The following ZNF423 variants were observed in gnomAD, a reference collection of about 807,000 sequenced individuals.
The protein encoded by ZNF423 is Ebf-associated zinc finger protein.
In ZNF423, 12 loss-of-function variants were observed where a neutral mutation model predicts 95.8. That is an observed-to-expected ratio of 0.13 (90% CI 0.08 to 0.20). The LOEUF (loss-of-function observed/expected upper bound fraction) is 0.20. ZNF423 is among the 10% of genes least tolerant of loss of function. The probability of loss-of-function intolerance (pLI) is 1.00; values close to 1 mark genes in which losing one functional copy is unlikely to be tolerated. For synonymous variants in ZNF423, 749 were observed against 711.9 expected, an observed-to-expected ratio of 1.05 and a Z score of -0.83; for missense variants, 1,316 against 1,737.1, an observed-to-expected ratio of 0.76 and a Z score of 4.31.
chr16:49,581,088 C>G (rs1254048796), intron 5 of ZNF423, among the ~76,000 whole-genome samples: 2 of 152,198 alleles, frequency 1.3e-5, no homozygotes, highest in Non-Finnish European at 2.9e-5. Context: ...AAAACAAACA[C>G]ATACTCACCA....
intron 3 of ZNF423, among the ~76,000 whole-genome samples, chr16:49,725,642 T>C (rs2032990613): frequency 6.6e-6 from 1 of 151,996 alleles, no homozygotes; most frequent in Non-Finnish European, 1.5e-5. Flanking sequence ...TGTGTGGGCG[T>C]GGGGGCTGCA....
chr16:49,791,332 C>T (rs557318067), intron 1 of ZNF423, among the ~76,000 whole-genome samples: 17 of 152,330 alleles, frequency 1.1e-4, no homozygotes, highest in African/African-American at 4.1e-4. Flanking sequence ...ATATTATTCA[C>T]TAAAATGATT....
At chr16:49,771,856 G>C (rs1322540089) in intron 2 of ZNF423, among the ~76,000 whole-genome samples, 1 of 152,132 alleles carries the variant, frequency 6.6e-6, no homozygotes, top group African/African-American at 2.4e-5. Flanking sequence ...AGAAAATTCA[G>C]CTCCCACATA....
intron 5 of ZNF423, among the ~76,000 whole-genome samples, chr16:49,548,855 A>G (rs1969531993): frequency 6.6e-6 from 1 of 152,188 alleles, no homozygotes; most frequent in South Asian, 2.1e-4. Flanking sequence ...AGGTGGCCCC[A>G]GTGTCATCCC....
At chr16:49,794,501 C>T (rs1444786139) in intron 1 of ZNF423, among the ~76,000 whole-genome samples, 3 of 152,212 alleles carry the variant, frequency 2.0e-5, no homozygotes, top group Non-Finnish European at 4.4e-5. Flanking sequence ...TACGGCCCCC[C>T]ACACAAGCTC....
intron 6 of ZNF423, 123 bp downstream of exon 6, chr16:49,525,240 A>T: frequency 7.0e-7 from 1 of 1,419,880 alleles, no homozygotes; most frequent in South Asian, 1.3e-5. Context: ...TCCCCAACGG[A>T]GTCCTGGTCT....
At chr16:49,848,327 A>T (rs2035266899) in intron 1 of ZNF423, among the ~76,000 whole-genome samples, 1 of 152,162 alleles carries the variant, frequency 6.6e-6, no homozygotes, top group African/African-American at 2.4e-5. Context: ...CATCTGTATG[A>T]AGCCACCCTT....
intron 5 of ZNF423, among the ~76,000 whole-genome samples, chr16:49,621,785 A>G (rs1290741095): frequency 1.3e-5 from 2 of 152,194 alleles, no homozygotes; most frequent in African/African-American, 4.8e-5. Flanking sequence ...CCAGGCCTGC[A>G]GTGTCTGCCT....
At chr16:49,497,604 G>A (rs1207175319) in intron 7 of ZNF423, among the ~76,000 whole-genome samples, 1 of 152,162 alleles carries the variant, frequency 6.6e-6, no homozygotes. Context: ...GTGATTTCCG[G>A]TTGGGAAAGA....
Position 49,492,346 on chromosome 16 carries a change from A to G in ZNF423, c.3850-1042T>C, listed in dbSNP as rs1967003329. ...GAGAGGCTCCTTCTGGGCGCCCCCC[A>G]GGGCCCGGCGACTCCTGCAGCTGTG... On this transcript the variant is annotated intron_variant, in intron 7 of 7. Transcript: ENST00000563137. The surrounding 1 kb of genome is among the most constrained non-coding windows in gnomAD (Gnocchi z 4.2). 6.6e-6 allele frequency among the ~76,000 whole-genome samples: 1 copy of G among 152,142 alleles called. No individual in the cohort carries two copies. The highest frequency in any genetic ancestry group is 6.5e-5 in the Admixed American group (1 of 15,288).
At chr16:49,579,637 C>A (rs1358761352) in intron 5 of ZNF423, among the ~76,000 whole-genome samples, 1 of 152,132 alleles carries the variant, frequency 6.6e-6, no homozygotes, top group Non-Finnish European at 1.5e-5. Context: ...GCTGGGGAAA[C>A]TGAGGCTTGC....
At chr16:49,585,065 T>C (rs7196850) in intron 5 of ZNF423, among the ~76,000 whole-genome samples, 68,576 of 151,938 alleles carry the variant, frequency 0.45, 15,836 homozygotes, top group East Asian at 0.77. Context: ...TCATGAACTT[T>C]CAGGGGCAAT....
chr16:49,638,245 C>G lies in ZNF423; in HGVS notation c.931G>C (p.Val311Leu). The change falls in exon 4 of 8, where the codon GTC (valine) becomes CTC (leucine). Residue 311 changes from valine (V) to leucine (L), a missense_variant. This residue lies in a region of ZNF423 where 399 missense variants were observed against 478.5 expected (regional missense o/e 0.83). Coordinates refer to ENST00000563137, the MANE Select transcript of ZNF423 (RefSeq NM_001379286.1). This position sits in a 1 kb window ranked among gnomAD's most constrained non-coding sequence, Gnocchi z 5.6. Reference sequence around the variant, plus strand: ...AGCAGTGTGTTCTCGTCGACGAAGACCTCAGGGCAGTGAATGCACTGCAGG... The same window carrying G: ...AGCAGTGTGTTCTCGTCGACGAAGAGCTCAGGGCAGTGAATGCACTGCAGG... ...ADLQCIHCPE[V>L]FVDENTLLAH... The G allele has an allele frequency of 1.2e-6, 2 of 1,611,614 alleles. No homozygotes were observed. Among genetic ancestry groups the G allele is most frequent in the Non-Finnish European group, 1.7e-6 (2 of 1,180,034 alleles).
intron 3 of ZNF423, among the ~76,000 whole-genome samples, chr16:49,728,094 C>T (rs999683900): frequency 1.3e-5 from 2 of 152,318 alleles, no homozygotes. Context: ...TCACTTCCTA[C>T]ACCCCAAACA....
chr16:49,822,817 C>G, intron 1 of ZNF423: 2 of 1,106,316 alleles, frequency 1.8e-6, no homozygotes, highest in East Asian at 2.7e-5. Context: ...ACTTGTATAC[C>G]CATTTGACAG....
chr16:49,769,361 A>C (rs541049946), intron 2 of ZNF423, among the ~76,000 whole-genome samples: 1 of 85,266 alleles, frequency 1.2e-5, no homozygotes, highest in Non-Finnish European at 2.1e-5. Context: ...TCTCAAAAAA[A>C]AAAAGAAAAA....
chr16:49,531,494 G>T (rs958159047), intron 5 of ZNF423, among the ~76,000 whole-genome samples: 1 of 151,964 alleles, frequency 6.6e-6, no homozygotes, highest in African/African-American at 2.4e-5. Flanking sequence ...CACAAATAGC[G>T]CAGAACAGGA....
intron 2 of ZNF423, among the ~76,000 whole-genome samples, chr16:49,771,066 G>A (rs2034023647): frequency 6.6e-6 from 1 of 152,186 alleles, no homozygotes; most frequent in Non-Finnish European, 1.5e-5. Context: ...TCAGGCCCCG[G>A]GAAGTGGGCT....
intron 5 of ZNF423, among the ~76,000 whole-genome samples, chr16:49,565,264 C>T (rs1418112061): frequency 6.6e-6 from 1 of 152,208 alleles, no homozygotes; most frequent in East Asian, 1.9e-4. Flanking sequence ...CTACGAAACA[C>T]GTGGGCCCAG....
Sources: allele counts gnomAD v4.1 joint callset (sites outside exome capture counted in the v4.1 genomes callset), GRCh38; gene constraint gnomAD v4.1.1; regional missense constraint gnomAD v4.1.1; non-coding constraint Gnocchi (gnomAD v3.1); transcripts MANE v1.5; gene names NCBI Gene and HGNC (gene_info 2026-07-23, HGNC 2026-07-21).